The following TRIML1 variants were observed in gnomAD, a reference collection of about 807,000 sequenced individuals.
TRIML1 encodes tripartite motif family like 1.
TRIML1 carries 34 observed loss-of-function variants against 32.3 expected under a neutral mutation model. That is an observed-to-expected ratio of 1.05 (90% CI 0.80 to 1.40). TRIML1 has a LOEUF of 1.40. Ranked by LOEUF, TRIML1 falls within the 40% of genes most tolerant of loss-of-function variation. TRIML1 has a pLI of 0.00. For missense variants in TRIML1, 595 were observed against 574.9 expected, an observed-to-expected ratio of 1.03 and a Z score of -0.36; for synonymous variants, 244 against 226.6, an observed-to-expected ratio of 1.08 and a Z score of -0.69.
At chr4:188,144,873 G>C (rs938736270) in intron 5 of TRIML1, among the ~76,000 whole-genome samples, 5 of 152,156 alleles carry the variant, frequency 3.3e-5, no homozygotes, top group Non-Finnish European at 1.5e-5. Context: ...CCAACACTGA[G>C]AGACGTCAGG....
chr4:188,149,968 A>G (rs559170102), downstream of TRIML1, among the ~76,000 whole-genome samples: 2 of 151,150 alleles, frequency 1.3e-5, no homozygotes, highest in Non-Finnish European at 3.0e-5. Flanking sequence ...CACCATGCCC[A>G]GCTAATTTTT....
intron 2 of TRIML1, among the ~76,000 whole-genome samples, chr4:188,141,789 A>G (rs1427816307): frequency 6.6e-6 from 1 of 152,020 alleles, no homozygotes; most frequent in African/African-American, 2.4e-5. Context: ...AATGTATTAT[A>G]TGTTGGATTT....
chr4:188,144,439 T>C (rs1386658925), intron 5 of TRIML1, among the ~76,000 whole-genome samples: 1 of 148,058 alleles, frequency 6.8e-6, no homozygotes, highest in Admixed American at 6.8e-5. Context: ...CTCGGCTCAC[T>C]GCAAGCTCCG....
chr4:188,142,836 GA>G (rs33911158), intron 3 of TRIML1: 78,385 of 197,108 alleles, frequency 0.4, 17,940 homozygotes, highest in Non-Finnish European at 0.49. Flanking sequence ...AAGACCTGAT[GA>G]AGATAAGTAC....
intron 3 of TRIML1, 170 bp from the exon 4 acceptor site, chr4:188,143,668 C>T: frequency 1.3e-6 from 1 of 758,230 alleles, no homozygotes; most frequent in Non-Finnish European, 2.3e-6. Flanking sequence ...CACCACAGCA[C>T]ATCCCTGGAA....
rs758081985 is a variant in TRIML1 at position 188,147,114 on chromosome 4, C to T, written c.1149C>T (p.Ile383=). 3.8e-5 allele frequency: 61 copies of T among 1,613,918 alleles called. No individual in the cohort carries two copies. Among genetic ancestry groups the T allele is most frequent in the South Asian group, 1.2e-4 (11 of 91,080 alleles). Residue 383 remains isoleucine (I), a synonymous_variant, in exon 6 of 6, where the codon ATC becomes ATT. Transcript: ENST00000332517. ...GDLFSLIGLK[I]GDDYSLWVSS... is the part of the protein sequence containing the mutation. ...TGTTCTCACTAATAGGTTTAAAAAT[C>T]GGAGATGATTACAGCCTCTGGGTCT...
At chr4:188,145,420 C>T (rs571406675) in intron 5 of TRIML1, among the ~76,000 whole-genome samples, 27 of 127,662 alleles carry the variant, frequency 2.1e-4, no homozygotes, top group African/African-American at 7.8e-4. Context: ...CCAGCCTGGG[C>T]GACAGAGCGA....
chr4:188,144,646 G>A (rs986591483), intron 5 of TRIML1, among the ~76,000 whole-genome samples: 7 of 152,160 alleles, frequency 4.6e-5, no homozygotes, highest in Middle Eastern at 3.4e-3. Flanking sequence ...ACAGGCGTGA[G>A]CCACTGCGCC....
downstream of TRIML1, among the ~76,000 whole-genome samples, chr4:188,150,413 G>A (rs910897619): frequency 1.3e-5 from 2 of 152,190 alleles, no homozygotes; most frequent in Non-Finnish European, 2.9e-5. Context: ...ACAGGCGTGA[G>A]CCACCGCACC....
Position 188,142,434 on chromosome 4 carries a change from C to A in TRIML1, c.687C>A (p.Ile229=), listed in dbSNP as rs557023680. Residue 229 remains isoleucine, a synonymous_variant, in exon 3 of 6, where the codon ATC becomes ATA. Coordinates refer to ENST00000332517, the MANE Select transcript of TRIML1 (RefSeq NM_178556.5). ...AAATCAGAAGCCTAAGCAAAATGAT[C>A]GCACAGATTGAGTCCTCAAGTCAAA... is the stretch of plus-strand genomic sequence containing the variant. ...TQQIRSLSKM[I]AQIESSSQSS... 3.1e-6 allele frequency: 5 copies of A among 1,613,810 alleles called. No individual in the cohort carries two copies. The highest frequency in any genetic ancestry group is 1.1e-5 in the South Asian group (1 of 91,054).
chr4:188,146,410 C>A (rs1378766676), intron 5 of TRIML1, among the ~76,000 whole-genome samples: 1 of 152,138 alleles, frequency 6.6e-6, no homozygotes, highest in Non-Finnish European at 1.5e-5. Context: ...TGTTCTCAAC[C>A]AAATACTGTT....
chr4:188,138,893 C>T (rs1406521472), upstream of TRIML1, among the ~76,000 whole-genome samples: 1 of 151,866 alleles, frequency 6.6e-6, no homozygotes, highest in Admixed American at 6.6e-5. Context: ...TCATCGTGCG[C>T]CTAACACCAA....
chr4:188,141,584 A>T (rs1203361645), intron 2 of TRIML1, among the ~76,000 whole-genome samples: 1 of 152,126 alleles, frequency 6.6e-6, no homozygotes, highest in East Asian at 1.9e-4. Flanking sequence ...CACATTTTTC[A>T]TAATTTTTCT....
downstream of TRIML1, chr4:188,147,772 C>T (rs1474466455): frequency 2.6e-5 from 4 of 156,386 alleles, no homozygotes; most frequent in Non-Finnish European, 5.6e-5. Context: ...TCTTTGTCCT[C>T]CGTGCAGAGC....
At chr4:188,145,882 C>A (rs953444127) in intron 5 of TRIML1, among the ~76,000 whole-genome samples, 5 of 152,088 alleles carry the variant, frequency 3.3e-5, no homozygotes, top group African/African-American at 1.2e-4. Context: ...ATGTGTGCTT[C>A]ATCACATGGT....
chr4:188,144,434 C>A (rs1734983698), intron 5 of TRIML1, among the ~76,000 whole-genome samples: 1 of 149,810 alleles, frequency 6.7e-6, no homozygotes, highest in Non-Finnish European at 1.5e-5. Context: ...GCGATCTCGG[C>A]TCACTGCAAG....
chr4:188,148,654 G>A (rs1282769192), downstream of TRIML1, among the ~76,000 whole-genome samples: 1 of 151,534 alleles, frequency 6.6e-6, no homozygotes, highest in East Asian at 2.0e-4. Context: ...CCAGGCTGGA[G>A]TGCAATGGAG....
downstream of TRIML1, among the ~76,000 whole-genome samples, chr4:188,150,054 T>A (rs1021638222): frequency 6.6e-6 from 1 of 152,072 alleles, no homozygotes; most frequent in Non-Finnish European, 1.5e-5. Context: ...TCCGCCCACC[T>A]CAGCCTCCCA....
rs369162600 is a variant in TRIML1 at position 188,144,112 on chromosome 4, G to T, written c.835G>T (p.Glu279Ter). Residue 279 changes from glutamate to a stop codon, truncating the protein, a stop_gained, in exon 5 of 6, where the codon GAG (glutamate) becomes TAG (stop). Transcript: ENST00000332517. LOFTEE classifies it low-confidence loss of function (END_TRUNC). ...LSLCRITGMK[E>*]MLRKFSTEIT... ...TCTGTGCCGCATCACGGGAATGAAGGAGATGCTAAGAAAATTCAGCAGTAA... is the reference window on the plus strand; with the variant it reads ...TCTGTGCCGCATCACGGGAATGAAGTAGATGCTAAGAAAATTCAGCAGTAA... 6.2e-7 allele frequency: 1 copy of T among 1,614,004 alleles called. No individual in the cohort carries two copies. Among genetic ancestry groups the T allele is most frequent in the Non-Finnish European group, 8.5e-7 (1 of 1,179,978 alleles).
Sources: gnomAD v4.1 joint callset for allele counts (sites outside exome capture counted in the v4.1 genomes callset) on GRCh38, gnomAD v4.1.1 for gene constraint, MANE v1.5 for transcripts, NCBI Gene and HGNC (gene_info 2026-07-23, HGNC 2026-07-21) for gene names.